Variants in NPAS3 observed in about 807,000 individuals in gnomAD.
NPAS3 encodes neuronal PAS domain-containing protein 3.
A neutral mutation model predicts 73.1 loss-of-function variants in NPAS3; 14 were observed. The ratio of observed to expected loss-of-function variants is 0.19; its 90% confidence interval spans 0.13 to 0.30. The LOEUF (loss-of-function observed/expected upper bound fraction) is 0.30. Ranked by LOEUF, NPAS3 falls within the 10% of genes least tolerant of loss-of-function variation. The pLI, the probability that NPAS3 is intolerant of heterozygous loss-of-function variation, is 1.00. For missense variants in NPAS3, 1,096 were observed against 1,250.0 expected, an observed-to-expected ratio of 0.88 and a Z score of 1.86; for synonymous variants, 620 against 541.5, an observed-to-expected ratio of 1.14 and a Z score of -2.01.
intron 3 of NPAS3, among the ~76,000 whole-genome samples, chr14:33,239,478 C>T (rs944630125): frequency 1.3e-5 from 2 of 151,778 alleles, no homozygotes; most frequent in African/African-American, 4.8e-5. Flanking sequence ...TGTCATTTGA[C>T]TCATTAAGGC....
At chr14:33,492,487 A>G (rs780754988) in intron 4 of NPAS3, among the ~76,000 whole-genome samples, 28 of 152,180 alleles carry the variant, frequency 1.8e-4, no homozygotes, top group Non-Finnish European at 3.1e-4. Context: ...TCTCATGCAA[A>G]GAGGAGAATC....
At chr14:33,033,762 T>A (rs764453466) in intron 1 of NPAS3, among the ~76,000 whole-genome samples, 6 of 152,172 alleles carry the variant, frequency 3.9e-5, no homozygotes, top group Non-Finnish European at 7.3e-5. Flanking sequence ...TGGCCAAGTG[T>A]CAAGCTCTGC....
intron 4 of NPAS3, among the ~76,000 whole-genome samples, chr14:33,435,310 G>A (rs1426403310): frequency 6.6e-6 from 1 of 152,096 alleles, no homozygotes; most frequent in Non-Finnish European, 1.5e-5. Flanking sequence ...GCCTTAAATT[G>A]AATATTTGGG....
intron 4 of NPAS3, among the ~76,000 whole-genome samples, chr14:33,432,636 C>T (rs139959273): frequency 2.9e-4 from 44 of 152,142 alleles, no homozygotes; most frequent in East Asian, 1.9e-4. Flanking sequence ...ATCACATGCA[C>T]GCATATATTT....
chr14:33,056,101 T>G, intron 2 of NPAS3, 107 bp downstream of exon 2: 2 of 459,528 alleles, frequency 4.4e-6, no homozygotes, highest in South Asian at 3.9e-5. Context: ...TTATCTAATT[T>G]AGTGGGGGAG....
intron 2 of NPAS3, among the ~76,000 whole-genome samples, chr14:33,075,608 C>T (rs2041630420): frequency 6.6e-6 from 1 of 152,194 alleles, no homozygotes; most frequent in Non-Finnish European, 1.5e-5. Context: ...TTTATAGCAG[C>T]TTCTATTAGT....
intron 3 of NPAS3, among the ~76,000 whole-genome samples, chr14:33,342,719 A>C (rs1374373824): frequency 2.6e-5 from 4 of 151,986 alleles, no homozygotes; most frequent in Non-Finnish European, 5.9e-5. Context: ...GCATGCTTTA[A>C]TAGTTTTTAT....
intron 2 of NPAS3, among the ~76,000 whole-genome samples, chr14:33,147,726 A>AAT (rs1491100137): frequency 5.2e-5 from 1 of 19,342 alleles, no homozygotes; most frequent in Non-Finnish European, 9.2e-5. Context: ...AAAGTAGAAT[A>AAT]AAAAATATAT....
chr14:33,747,940 A>G (rs1958048), intron 7 of NPAS3, among the ~76,000 whole-genome samples: 11,080 of 152,138 alleles, frequency 0.073, 1,052 homozygotes, highest in African/African-American at 0.22. Context: ...GCACCCCATC[A>G]TCTGCTTTAT....
chr14:33,469,907 G>A (rs1235729258), intron 4 of NPAS3, among the ~76,000 whole-genome samples: 1 of 152,190 alleles, frequency 6.6e-6, no homozygotes, highest in African/African-American at 2.4e-5. Context: ...TGCAGTTTGG[G>A]TAGTGTTTGG....
At chr14:32,972,721 A>T (rs978547459) in intron 1 of NPAS3, among the ~76,000 whole-genome samples, 4 of 152,188 alleles carry the variant, frequency 2.6e-5, no homozygotes, top group Non-Finnish European at 5.9e-5. Flanking sequence ...CACAGAGTAG[A>T]TCCTTCATAT....
chr14:32,957,786 A>T (rs1468494359), intron 1 of NPAS3, among the ~76,000 whole-genome samples: 1 of 152,176 alleles, frequency 6.6e-6, no homozygotes, highest in Non-Finnish European at 1.5e-5. Flanking sequence ...TATCCTTTGG[A>T]CTGACTTCTG....
In NPAS3 at chr14:33,800,652, A is replaced by G. The variant is rs927441682; in HGVS notation, c.2345A>G (p.Asn782Ser). The G allele has an allele frequency of 5.3e-6, 8 of 1,516,958 alleles. No individual in the cohort carries two copies. The East Asian group carries it at 1.0e-4, about 20-fold the overall frequency. 94.0% of individuals were successfully genotyped at this position (1,516,958 alleles called of 1,614,324 possible). Residue 782 changes from asparagine (N) to serine (S), a missense_variant, in exon 12 of 12, where the codon AAC becomes AGC. Around this residue, in one of 5 missense-constraint regions of NPAS3, gnomAD observed 698 missense variants for 676.7 expected, o/e 1.03. Coordinates refer to ENST00000356141, the Ensembl canonical transcript of NPAS3. The surrounding 1 kb of genome is among the most constrained non-coding windows in gnomAD (Gnocchi z 6.5). Reference sequence around the variant, plus strand: ...GGGGGCGGCGGCCCCAGCGCGTCCAACTCCTTGCTGTACACTGGGGACCTG... The same window carrying G: ...GGGGGCGGCGGCCCCAGCGCGTCCAGCTCCTTGCTGTACACTGGGGACCTG...
At chr14:33,308,163 A>T (rs2042834442) in intron 3 of NPAS3, among the ~76,000 whole-genome samples, 1 of 152,128 alleles carries the variant, frequency 6.6e-6, no homozygotes, top group Admixed American at 6.6e-5. Context: ...CCGCTGAGAA[A>T]GAGGGCTTAT....
At position 33,152,366 on chromosome 14, in the gene NPAS3, G is replaced by A. The variant is rs145855975; in HGVS notation, c.141-62816G>A. Among the ~76,000 whole-genome samples the A allele has an allele frequency of 7.3e-3, 1,104 of 152,114 alleles. 5 individuals are homozygous for A. The highest frequency in any genetic ancestry group is 0.014 in the South Asian group (68 of 4,826). On this transcript the variant is annotated intron_variant, in intron 2 of 11. Transcript: ENST00000356141. ...TCTTCTCCTGTTTCTATCAGGAACC[G>A]TCATTGCTGTGTGTCTCACCAGCAA...
intron 1 of NPAS3, among the ~76,000 whole-genome samples, chr14:33,022,664 CAAAAAAAAAAA>C (rs34475386): frequency 5.1e-5 from 5 of 97,462 alleles, no homozygotes; most frequent in South Asian, 3.6e-4. Context: ...GACTCCGTCC[CAAAAAAAAAAA>C]AAAAAAAAAA....
At chr14:33,340,924 T>C (rs1361409491) in intron 3 of NPAS3, among the ~76,000 whole-genome samples, 1 of 152,198 alleles carries the variant, frequency 6.6e-6, no homozygotes, top group Non-Finnish European at 1.5e-5. Context: ...ACCATACCAC[T>C]GTCACCTTAT....
rs751681384 is a variant in NPAS3, at chr14:33,780,753, C to T, written c.1153+2181C>T. ...TCCGATTTACTTTTATCTCATTTTC[C>T]GTACCCAGAATAATTTGAGAGTGCT... On this transcript the variant is annotated intron_variant, in intron 9 of 11. Coordinates refer to ENST00000356141, the Ensembl canonical transcript of NPAS3. 3.7e-4 allele frequency: 151 copies of T among 404,994 alleles called. 1 individual carries two copies. The highest frequency in any genetic ancestry group is 6.1e-4 in the Non-Finnish European group (126 of 205,126). The allele number at this position is 404,994 out of a possible 1,614,324, so 25.1% of individuals were successfully genotyped here.
At chr14:33,317,725 G>A (rs1371778658) in intron 3 of NPAS3, among the ~76,000 whole-genome samples, 4 of 151,918 alleles carry the variant, frequency 2.6e-5, no homozygotes, top group Non-Finnish European at 5.9e-5. Flanking sequence ...TCCTGAGACC[G>A]CCCCAGCCAT....
Sources: allele counts gnomAD v4.1 joint callset (sites outside exome capture counted in the v4.1 genomes callset), GRCh38; gene constraint gnomAD v4.1.1; regional missense constraint gnomAD v4.1.1; non-coding constraint Gnocchi (gnomAD v3.1); transcripts MANE v1.5; gene names NCBI Gene and HGNC (gene_info 2026-07-23, HGNC 2026-07-21).